MAPK10: variants seen among roughly 807,000 people sequenced by gnomAD.
The protein encoded by MAPK10 is mitogen-activated protein kinase 10, also known as JNK3 alpha protein kinase.
MAPK10 carries 25 observed loss-of-function variants against 59.3 expected under a neutral mutation model. The observed-to-expected ratio is 0.42, with a 90% CI of 0.31 to 0.59. MAPK10 has a LOEUF of 0.59. Ranked by LOEUF, MAPK10 falls within the 20% of genes least tolerant of loss-of-function variation. The probability of loss-of-function intolerance (pLI) is 0.15; values close to 1 mark genes in which losing one functional copy is unlikely to be tolerated. For missense variants in MAPK10, 351 were observed against 568.9 expected (o/e 0.62, Z 3.90); for synonymous variants, 190 against 200.5 (o/e 0.95, Z 0.44).
At chr4:86,187,446 C>T (rs1055510654) in intron 3 of MAPK10, among the ~76,000 whole-genome samples, 3 of 152,044 alleles carry the variant, frequency 2.0e-5, no homozygotes, top group Admixed American at 1.3e-4. Flanking sequence ...TCACACTACT[C>T]AGAACAGCGT....
At chr4:86,414,830 C>T (rs1039454387) in intron 1 of MAPK10, among the ~76,000 whole-genome samples, 1 of 152,144 alleles carries the variant, frequency 6.6e-6, no homozygotes, top group Non-Finnish European at 1.5e-5. Context: ...TTCTACCCTT[C>T]ATCCATGATA....
intron 1 of MAPK10, among the ~76,000 whole-genome samples, chr4:86,483,753 C>G (rs1579362966): frequency 6.6e-6 from 1 of 152,058 alleles, no homozygotes; most frequent in South Asian, 2.1e-4. Flanking sequence ...TACCCTCTAA[C>G]AGCTCACAGT....
At chr4:86,202,246 T>TC (rs1485877003) in intron 2 of MAPK10, among the ~76,000 whole-genome samples, 1 of 151,934 alleles carries the variant, frequency 6.6e-6, no homozygotes, top group Non-Finnish European at 1.5e-5. Context: ...TTGCTCACTG[T>TC]CTTGCAGCAT....
At chr4:86,444,562 G>A (rs915732512) in intron 1 of MAPK10, among the ~76,000 whole-genome samples, 35 of 152,106 alleles carry the variant, frequency 2.3e-4, no homozygotes, top group African/African-American at 8.2e-4. Flanking sequence ...AGCAAAAATT[G>A]ATAAATGGGT....
At chr4:86,256,555 C>A (rs2093719619) in intron 2 of MAPK10, among the ~76,000 whole-genome samples, 2 of 151,888 alleles carry the variant, frequency 1.3e-5, no homozygotes, top group Non-Finnish European at 1.5e-5. Flanking sequence ...TCAAAAAGAG[C>A]AAATATTTAT....
chr4:86,192,755 C>A (rs961680375), intron 3 of MAPK10: 3 of 151,942 alleles, frequency 2.0e-5, no homozygotes, highest in African/African-American at 7.3e-5. Flanking sequence ...TTTTACCCAC[C>A]TTCTGAAGCC....
intron 4 of MAPK10, among the ~76,000 whole-genome samples, chr4:86,128,102 A>G (rs1387354530): frequency 1.3e-5 from 2 of 152,130 alleles, no homozygotes; most frequent in African/African-American, 4.8e-5. Context: ...TATGCATCCA[A>G]TAGTCCTATA....
intron 1 of MAPK10, among the ~76,000 whole-genome samples, chr4:86,480,124 T>C (rs55881335): frequency 0.23 from 35,092 of 152,126 alleles, 4,863 homozygotes; most frequent in Admixed American, 0.32. Context: ...CGTATACACC[T>C]AGATGGCCTG....
intron 11 of MAPK10, among the ~76,000 whole-genome samples, chr4:86,038,745 G>A (rs994860154): frequency 2.6e-5 from 4 of 152,030 alleles, no homozygotes; most frequent in Admixed American, 2.0e-4. Flanking sequence ...GGCACCAACA[G>A]CAGTTCATTA....
At chr4:86,183,756 A>G (rs1174568358) in intron 3 of MAPK10, among the ~76,000 whole-genome samples, 1 of 152,202 alleles carries the variant, frequency 6.6e-6, no homozygotes, top group Non-Finnish European at 1.5e-5. Flanking sequence ...AATCCCATCA[A>G]CAGTGTAAAA....
chr4:86,375,713 T>TAAAAAAAAAAAAAAAAAA (rs56189009), intron 1 of MAPK10, among the ~76,000 whole-genome samples: 2 of 33,330 alleles, frequency 6.0e-5, no homozygotes, highest in Non-Finnish European at 9.8e-5. Flanking sequence ...AGGTCCACTC[T>TAAAAAAAAAAAAAAAAAA]AAAAAAAAAA....
At chr4:86,543,674 A>G (rs1758907531) in intron 1 of MAPK10, among the ~76,000 whole-genome samples, 1 of 152,240 alleles carries the variant, frequency 6.6e-6, no homozygotes, top group Non-Finnish European at 1.5e-5. Flanking sequence ...TTGAATGCAG[A>G]AAAGATACAA....
In MAPK10 at chr4:86,325,498, G is replaced by A. The variant is rs146773036; in HGVS notation, c.-7+29032C>T. Among the ~76,000 whole-genome samples, 956 of 152,234 alleles carry A rather than the reference G, an allele frequency of 6.3e-3. 6 individuals are homozygous for A. Among genetic ancestry groups the A allele is most frequent in the African/African-American group, 0.021 (858 of 41,536 alleles). On this transcript the variant is annotated intron_variant, in intron 2 of 13. Coordinates refer to ENST00000641462, the MANE Select transcript of MAPK10 (RefSeq NM_138982.4). ...CACTGCCTCTGAAATTTCATTTATT[G>A]AATTAACATCATCAACAAATATGTT...
chr4:86,098,475 G>C, intron 9 of MAPK10, 49 bp downstream of exon 9: 2 of 1,609,892 alleles, frequency 1.2e-6, no homozygotes, highest in East Asian at 2.2e-5. Flanking sequence ...GTGTTTAAAA[G>C]GGAGAGAGAA....
intron 2 of MAPK10, among the ~76,000 whole-genome samples, chr4:86,280,821 A>G (rs2094772899): frequency 6.6e-6 from 1 of 152,194 alleles, no homozygotes; most frequent in Non-Finnish European, 1.5e-5. Flanking sequence ...AGAGGCCACT[A>G]TCCTAAGTGA....
chr4:86,374,195 G>C (rs1404900176), intron 1 of MAPK10, among the ~76,000 whole-genome samples: 1 of 152,062 alleles, frequency 6.6e-6, no homozygotes, highest in Non-Finnish European at 1.5e-5. Flanking sequence ...CTCATAAGTG[G>C]GAGTTGAACA....
At chr4:86,456,652 G>A (rs2065639994), upstream of MAPK10, among the ~76,000 whole-genome samples, 1 of 151,924 alleles carries the variant, frequency 6.6e-6, no homozygotes, top group Non-Finnish European at 1.5e-5. Context: ...CAGCAATATT[G>A]AAATGGTAAT....
chr4:86,261,442 C>A (rs2093976421), intron 2 of MAPK10, among the ~76,000 whole-genome samples: 1 of 152,194 alleles, frequency 6.6e-6, no homozygotes, highest in Admixed American at 6.5e-5. Flanking sequence ...TTTGATCCAA[C>A]AAATCCCTAA....
intron 2 of MAPK10, among the ~76,000 whole-genome samples, chr4:86,274,085 C>A (rs1190283509): frequency 6.6e-6 from 1 of 151,980 alleles, no homozygotes; most frequent in East Asian, 1.9e-4. Flanking sequence ...CTTCATAAAA[C>A]TGAATTTGTC....
Sources: gnomAD v4.1 joint callset for allele counts (sites outside exome capture counted in the v4.1 genomes callset) on GRCh38, gnomAD v4.1.1 for gene constraint, MANE v1.5 for transcripts, NCBI Gene and HGNC (gene_info 2026-07-23, HGNC 2026-07-21) for gene names.